MAST4: variants seen among roughly 807,000 people sequenced by gnomAD.
MAST4 encodes microtubule-associated serine/threonine-protein kinase 4.
MAST4 carries 89 observed loss-of-function variants against 162.7 expected under a neutral mutation model. That is an observed-to-expected ratio of 0.55 (90% CI 0.46 to 0.65). MAST4 has a LOEUF of 0.65. Among genes scored for constraint, MAST4 ranks in the 30% least tolerant of loss-of-function variants. The pLI is 0.00. For synonymous variants in MAST4, 1,479 were observed against 1,361.1 expected (o/e 1.09, Z -1.91); for missense variants, 3,153 against 3,374.0 (o/e 0.93, Z 1.62).
intron 1 of MAST4, among the ~76,000 whole-genome samples, chr5:66,674,949 C>A (rs898167526): frequency 1.3e-5 from 2 of 152,102 alleles, no homozygotes; most frequent in Non-Finnish European, 2.9e-5. Context: ...ATGGCAGGCA[C>A]CAGGAGAGGC....
At chr5:66,866,942 TTTTTAAGTAGGTC>T (rs1760571609) in intron 3 of MAST4, among the ~76,000 whole-genome samples, 1 of 151,934 alleles carries the variant, frequency 6.6e-6, no homozygotes, top group Admixed American at 6.6e-5. Flanking sequence ...GTTTGTTTGT[TTTTTAAGTAGGTC>T]TCCTCATATT....
intron 2 of MAST4, among the ~76,000 whole-genome samples, chr5:66,771,962 A>G (rs1754378719): frequency 6.6e-6 from 1 of 152,154 alleles, no homozygotes; most frequent in South Asian, 2.1e-4. Flanking sequence ...TAGGTTCTGA[A>G]AAGCACACTG....
intron 1 of MAST4, among the ~76,000 whole-genome samples, chr5:66,677,588 T>C (rs1241829767): frequency 6.6e-6 from 1 of 152,180 alleles, no homozygotes; most frequent in Non-Finnish European, 1.5e-5. Flanking sequence ...TCTCTGAGAC[T>C]AGTAAGAGAG....
chr5:66,938,589 G>A (rs1421990757), intron 4 of MAST4, among the ~76,000 whole-genome samples: 1 of 152,156 alleles, frequency 6.6e-6, no homozygotes. Context: ...TGGGAACAGG[G>A]CCGAATCTGA....
chr5:67,082,338 T>C (rs1762760562), intron 5 of MAST4, among the ~76,000 whole-genome samples: 2 of 152,072 alleles, frequency 1.3e-5, no homozygotes, highest in Non-Finnish European at 1.5e-5. Context: ...TTTCACCATG[T>C]TGGCCAGGAT....
At chr5:66,921,307 A>G (rs541116035) in intron 4 of MAST4, among the ~76,000 whole-genome samples, 9 of 152,322 alleles carry the variant, frequency 5.9e-5, no homozygotes, top group African/African-American at 1.7e-4. Context: ...TCATGTTCAA[A>G]GCGGTACTCC....
At chr5:67,076,728 A>G (rs1761697661) in intron 5 of MAST4, among the ~76,000 whole-genome samples, 1 of 152,096 alleles carries the variant, frequency 6.6e-6, no homozygotes, top group Non-Finnish European at 1.5e-5. Flanking sequence ...ATCGAAGCTC[A>G]TTTTTTTGAA....
At chr5:67,042,903 G>A (rs762002245) in intron 4 of MAST4, among the ~76,000 whole-genome samples, 1 of 152,238 alleles carries the variant, frequency 6.6e-6, no homozygotes, top group African/African-American at 2.4e-5. Flanking sequence ...TTTGTGTTCC[G>A]ATTGTGGAGG....
intron 4 of MAST4, among the ~76,000 whole-genome samples, chr5:66,973,511 G>A: frequency 6.6e-6 from 1 of 152,252 alleles, no homozygotes; most frequent in Non-Finnish European, 1.5e-5. Context: ...AGGTGATGAT[G>A]TCCTCCTCAT....
chr5:67,090,838 G>A lies in MAST4; in HGVS notation c.833+607G>A, dbSNP rs553725356. ...TATGACGTAGCCAAGTCAGAGGAGT[G>A]TGCACAGTCATCTCTTCTGTGTTCT... On this transcript the variant is annotated intron_variant, in intron 6 of 28. Transcript: ENST00000403625. Among the ~76,000 whole-genome samples the A allele has an allele frequency of 1.8e-4, 27 of 151,394 alleles. No homozygotes were observed. In the East Asian group the frequency reaches 4.5e-3, roughly 25 times the overall value.
chr5:66,762,107 G>C (rs1189062746), intron 2 of MAST4, among the ~76,000 whole-genome samples: 1 of 152,124 alleles, frequency 6.6e-6, no homozygotes, highest in Non-Finnish European at 1.5e-5. Context: ...CTTTAGCTTT[G>C]AAAATAAATA....
chr5:66,625,739 A>G (rs1414803361), intron 1 of MAST4, among the ~76,000 whole-genome samples: 1 of 152,236 alleles, frequency 6.6e-6, no homozygotes, highest in Non-Finnish European at 1.5e-5. Context: ...GAAATTCCTC[A>G]GAAGATTAAA....
intron 12 of MAST4, among the ~76,000 whole-genome samples, chr5:67,117,085 CTA>C (rs990679964): frequency 3.3e-5 from 5 of 152,134 alleles, no homozygotes; most frequent in Non-Finnish European, 7.3e-5. Context: ...TTTGAGGATT[CTA>C]TGTTTATCTT....
At chr5:66,618,036 G>T (rs529534989) in intron 1 of MAST4, among the ~76,000 whole-genome samples, 9 of 152,126 alleles carry the variant, frequency 5.9e-5, no homozygotes, top group African/African-American at 9.6e-5. Flanking sequence ...GGAGGAATGG[G>T]GGGGGGGCCC....
At chr5:66,892,248 A>G (rs1211519518) in intron 3 of MAST4, among the ~76,000 whole-genome samples, 3 of 152,218 alleles carry the variant, frequency 2.0e-5, no homozygotes, top group Non-Finnish European at 4.4e-5. Context: ...TTTTGTTAGC[A>G]TGAATAACAA....
chr5:66,959,083 T>A, intron 4 of MAST4: 1 of 623,842 alleles, frequency 1.6e-6, no homozygotes, highest in Non-Finnish European at 2.9e-6. Context: ...ATCTCTTGAT[T>A]ACGGCTAGAG....
chr5:66,922,411 A>G (rs1188446400), intron 4 of MAST4, among the ~76,000 whole-genome samples: 3 of 152,180 alleles, frequency 2.0e-5, no homozygotes, highest in Non-Finnish European at 4.4e-5. Flanking sequence ...TGCCAGCTGC[A>G]TGTAACTTCC....
chr5:66,839,451 G>A (rs1252123282), intron 3 of MAST4, among the ~76,000 whole-genome samples: 2 of 152,146 alleles, frequency 1.3e-5, no homozygotes, highest in Non-Finnish European at 2.9e-5. Flanking sequence ...TGTTAGAATG[G>A]TTTTCCAGAA....
intron 1 of MAST4, among the ~76,000 whole-genome samples, chr5:66,704,166 G>A (rs973240529): frequency 1.3e-5 from 2 of 151,890 alleles, no homozygotes; most frequent in African/African-American, 2.4e-5. Context: ...ATTATACCAC[G>A]TCTATTTGGA....
Sources: allele counts gnomAD v4.1 joint callset (sites outside exome capture counted in the v4.1 genomes callset), GRCh38; gene constraint gnomAD v4.1.1; transcripts MANE v1.5; gene names NCBI Gene and HGNC (gene_info 2026-07-23, HGNC 2026-07-21).